CTNND2: variants seen among roughly 807,000 people sequenced by gnomAD.
CTNND2 encodes catenin delta-2.
CTNND2 carries 22 observed loss-of-function variants against 144.4 expected under a neutral mutation model. The ratio of observed to expected loss-of-function variants is 0.15; its 90% CI spans 0.11 to 0.22. The LOEUF is 0.22. CTNND2 is among the 10% of genes least tolerant of loss of function. CTNND2 has a pLI of 1.00. For synonymous variants in CTNND2, 751 were observed against 695.6 expected, an observed-to-expected ratio of 1.08 and a Z score of -1.25; for missense variants, 1,353 against 1,618.8, an observed-to-expected ratio of 0.84 and a Z score of 2.82.
intron 21 of CTNND2, among the ~76,000 whole-genome samples, chr5:10,978,615 G>C (rs1036090005): frequency 2.2e-4 from 34 of 152,310 alleles, no homozygotes; most frequent in African/African-American, 7.9e-4. Flanking sequence ...TGGTGGTCCT[G>C]AGCTATGAAG....
chr5:11,581,345 C>G (rs950679754), intron 2 of CTNND2, among the ~76,000 whole-genome samples: 1 of 152,118 alleles, frequency 6.6e-6, no homozygotes, highest in Non-Finnish European at 1.5e-5. Flanking sequence ...CCCTGTGTAA[C>G]CTGCAAATTC....
At chr5:11,006,023 G>A (rs1292786953) in intron 18 of CTNND2, among the ~76,000 whole-genome samples, 1 of 152,082 alleles carries the variant, frequency 6.6e-6, no homozygotes, top group Non-Finnish European at 1.5e-5. Flanking sequence ...TATATGCTGT[G>A]AAGTTCTCAT....
chr5:11,713,308 C>G (rs1440423644), intron 2 of CTNND2, among the ~76,000 whole-genome samples: 2 of 152,024 alleles, frequency 1.3e-5, no homozygotes, highest in African/African-American at 4.8e-5. Context: ...AAGCCAGGTG[C>G]AGTGGCTCAG....
At chr5:11,591,735 T>C (rs1370199903) in intron 2 of CTNND2, among the ~76,000 whole-genome samples, 1 of 152,222 alleles carries the variant, frequency 6.6e-6, no homozygotes, top group Non-Finnish European at 1.5e-5. Context: ...TTATACTTTC[T>C]CTGCCTTTTG....
At chr5:11,747,355 C>T (rs952203912) in intron 1 of CTNND2, among the ~76,000 whole-genome samples, 2 of 152,134 alleles carry the variant, frequency 1.3e-5, no homozygotes, top group Admixed American at 6.6e-5. Flanking sequence ...GAAGTTCTAA[C>T]ATATTTCATA....
intron 1 of CTNND2, among the ~76,000 whole-genome samples, chr5:11,842,677 C>CCA (rs1442329718): frequency 6.6e-6 from 1 of 151,080 alleles, no homozygotes; most frequent in East Asian, 1.9e-4. Flanking sequence ...GGAGATGGTG[C>CCA]CACTGCACTC....
chr5:11,759,310 T>TA (rs1561770808), intron 1 of CTNND2, among the ~76,000 whole-genome samples: 1 of 152,068 alleles, frequency 6.6e-6, no homozygotes, highest in Non-Finnish European at 1.5e-5. Context: ...CTGTCTATTA[T>TA]GAAAACCTTA....
intron 11 of CTNND2, among the ~76,000 whole-genome samples, chr5:11,194,935 A>G (rs1207514382): frequency 6.6e-6 from 1 of 152,212 alleles, no homozygotes; most frequent in Non-Finnish European, 1.5e-5. Context: ...AAATTGGGGG[A>G]AAATAAATGT....
intron 3 of CTNND2, among the ~76,000 whole-genome samples, chr5:11,521,208 T>C (rs1772689659): frequency 6.6e-6 from 1 of 152,224 alleles, no homozygotes; most frequent in African/African-American, 2.4e-5. Context: ...TAATGTTTTT[T>C]ACCTTTTAAT....
chr5:11,531,297 G>A (rs555026035), intron 3 of CTNND2, among the ~76,000 whole-genome samples: 1 of 152,218 alleles, frequency 6.6e-6, no homozygotes, highest in Non-Finnish European at 1.5e-5. Context: ...GTCAGGGATG[G>A]GAGGGAAACA....
chr5:11,166,868 A>C (rs987642364), intron 11 of CTNND2, among the ~76,000 whole-genome samples: 1 of 152,128 alleles, frequency 6.6e-6, no homozygotes, highest in African/African-American at 2.4e-5. Context: ...CTAGATGGAA[A>C]ACATTCCTAT....
chr5:11,411,555 C>T lies in CTNND2; in HGVS notation c.420G>A (p.Gln140=), dbSNP rs1761532840. The T allele has an allele frequency of 6.2e-7, 1 of 1,601,946 alleles. No individual in the cohort carries two copies. The highest frequency in any genetic ancestry group is 8.5e-7 in the Non-Finnish European group (1 of 1,169,694). Reference sequence around the variant, plus strand: ...ACTTACTTTCACCTGTAGAATAATCCTGTGGGTCAAGTATTCCTGATTCCT... The same window carrying T: ...ACTTACTTTCACCTGTAGAATAATCTTGTGGGTCAAGTATTCCTGATTCCT... ...SLQESGILDP[Q]DYSTGERPSL... is the part of the protein sequence containing the mutation. Residue 140 remains glutamine (Q), a synonymous_variant, in exon 5 of 22, where the codon CAG becomes CAA. Coordinates refer to ENST00000304623, the MANE Select transcript of CTNND2 (RefSeq NM_001332.4).
chr5:11,531,629 C>T (rs1431795839), intron 3 of CTNND2, among the ~76,000 whole-genome samples: 2 of 151,620 alleles, frequency 1.3e-5, no homozygotes, highest in Non-Finnish European at 2.9e-5. Context: ...CTGTCAAAAA[C>T]AAAACAAAAC....
intron 2 of CTNND2, among the ~76,000 whole-genome samples, chr5:11,674,754 T>A (rs1784084804): frequency 6.6e-6 from 1 of 151,920 alleles, no homozygotes; most frequent in Non-Finnish European, 1.5e-5. Flanking sequence ...TGAGACAGAG[T>A]CTTCCTCTGT....
rs1735982469 is a variant in CTNND2, at chr5:11,189,088, T to TA, written c.1975+10359dup. Among the ~76,000 whole-genome samples, 2 of 152,178 alleles carry TA rather than the reference T, an allele frequency of 1.3e-5. 1 individual carries two copies. Among genetic ancestry groups the TA allele is most frequent in the South Asian group, 4.1e-4 (2 of 4,836 alleles). On this transcript the variant is annotated intron_variant, in intron 11 of 21. Coordinates refer to ENST00000304623, the MANE Select transcript of CTNND2 (RefSeq NM_001332.4). ...TAATAGCCCACAATGGTTCTGTTAA[T>TA]AGATTATGAAATTTCACTTATTGTC...
chr5:11,460,979 G>T (rs1561427752), intron 3 of CTNND2, among the ~76,000 whole-genome samples: 1 of 151,950 alleles, frequency 6.6e-6, no homozygotes, highest in Non-Finnish European at 1.5e-5. Context: ...AACTCAGGAG[G>T]TGGAGGTTGC....
At chr5:11,893,418 A>G (rs1175162021) in intron 1 of CTNND2, among the ~76,000 whole-genome samples, 2 of 152,212 alleles carry the variant, frequency 1.3e-5, no homozygotes, top group African/African-American at 4.8e-5. Flanking sequence ...TACTAGTTAT[A>G]ACTTCTTGCC....
At chr5:11,363,436 T>C (rs1486077241) in intron 8 of CTNND2, among the ~76,000 whole-genome samples, 1 of 152,168 alleles carries the variant, frequency 6.6e-6, no homozygotes, top group Non-Finnish European at 1.5e-5. Flanking sequence ...AAAATTACCT[T>C]ACTTAAAAAC....
In CTNND2 at chr5:11,002,330, C is replaced by A. The variant is rs190336721; in HGVS notation, c.3085-9653G>T. ...TTTAGATGTGGTGGAATGAGAATGA[C>A]CCATGTGTTCTGAGGCTCCCGCCTC... is the stretch of plus-strand genomic sequence containing the variant. On this transcript the variant is annotated intron_variant, in intron 18 of 21. Coordinates refer to ENST00000304623, the MANE Select transcript of CTNND2 (RefSeq NM_001332.4). Among the ~76,000 whole-genome samples the A allele has an allele frequency of 1.2e-4, 18 of 152,302 alleles. No individual in the cohort carries two copies. In the East Asian group the frequency reaches 2.7e-3, roughly 23 times the overall value.
Sources: allele counts gnomAD v4.1 joint callset (sites outside exome capture counted in the v4.1 genomes callset), GRCh38; gene constraint gnomAD v4.1.1; transcripts MANE v1.5; gene names NCBI Gene and HGNC (gene_info 2026-07-23, HGNC 2026-07-21).